Variants in DYNC2H1 observed in about 807,000 individuals in gnomAD.
The protein encoded by DYNC2H1 is dynein cytoplasmic 2 heavy chain 1.
A neutral mutation model predicts 570.0 loss-of-function variants in DYNC2H1; 410 were observed. The ratio of observed to expected loss-of-function variants is 0.72; its 90% CI spans 0.66 to 0.78. The LOEUF is 0.78. DYNC2H1 is among the 30% of genes least tolerant of loss of function. The pLI, the probability that DYNC2H1 is intolerant of heterozygous loss-of-function variation, is 0.00. For missense variants in DYNC2H1, 4,865 were observed against 5,046.4 expected, an observed-to-expected ratio of 0.96 and a Z score of 1.09; for synonymous variants, 1,688 against 1,677.6, an observed-to-expected ratio of 1.01 and a Z score of -0.15.
chr11:103,307,021 A>G (rs1390678158), intron 77 of DYNC2H1, among the ~76,000 whole-genome samples: 2 of 152,178 alleles, frequency 1.3e-5, no homozygotes, highest in Non-Finnish European at 2.9e-5. Context: ...GAGTTGGAGA[A>G]GATATTCCAC....
intron 52 of DYNC2H1, among the ~76,000 whole-genome samples, chr11:103,208,969 G>A (rs1036521767): frequency 2.0e-5 from 3 of 151,992 alleles, no homozygotes; most frequent in Admixed American, 1.3e-4. Flanking sequence ...ACAAATTAAC[G>A]TTGATTTAAA....
intron 75 of DYNC2H1, chr11:103,287,890 C>T (rs956942940): frequency 1.6e-5 from 5 of 307,138 alleles, no homozygotes; most frequent in Admixed American, 9.8e-5. Context: ...CACACAGAGC[C>T]GGCTGTGTGG....
intron 82 of DYNC2H1, among the ~76,000 whole-genome samples, chr11:103,357,236 A>G (rs75257350): frequency 2.0e-5 from 3 of 150,678 alleles, no homozygotes; most frequent in African/African-American, 7.5e-5. Context: ...ATTATTTTAG[A>G]AAAAAAAGTG....
chr11:103,251,425 A>T (rs1045204874), intron 65 of DYNC2H1, among the ~76,000 whole-genome samples: 1 of 152,120 alleles, frequency 6.6e-6, no homozygotes, highest in East Asian at 1.9e-4. Context: ...TTTATTGTGC[A>T]TATTTAAGAT....
intron 65 of DYNC2H1, among the ~76,000 whole-genome samples, chr11:103,247,676 T>A (rs1178351864): frequency 2.0e-5 from 3 of 152,054 alleles, no homozygotes; most frequent in Non-Finnish European, 4.4e-5. Flanking sequence ...AACCTTAAGC[T>A]AGTTCACTAG....
At chr11:103,427,384 A>G (rs1273968860) in intron 84 of DYNC2H1, among the ~76,000 whole-genome samples, 1 of 152,196 alleles carries the variant, frequency 6.6e-6, no homozygotes, top group Non-Finnish European at 1.5e-5. Context: ...CTTGCTGAAC[A>G]TACTTAATGA....
intron 63 of DYNC2H1, among the ~76,000 whole-genome samples, chr11:103,240,504 T>G (rs559440244): frequency 6.6e-6 from 1 of 152,170 alleles, no homozygotes; most frequent in Admixed American, 6.5e-5. Flanking sequence ...ACCAGAGATA[T>G]CACAGTCTTT....
Position 103,113,539 on chromosome 11 carries a change from T to G in DYNC2H1, c.198T>G (p.Ile66Met). The change falls in exon 2 of 89, where the codon ATT becomes ATG. Residue 66 changes from isoleucine (I) to methionine (M), a missense_variant and splice_region_variant. Transcript: ENST00000375735. ...SDAGISFSNT[I>M]EFGDTKDKVL... ...TTAAAAATCATTTATCACTTTAGATTGAGTTTGGTGACACAAAAGATAAAG... is the reference window on the plus strand; with the variant it reads ...TTAAAAATCATTTATCACTTTAGATGGAGTTTGGTGACACAAAAGATAAAG... 6.5e-7 allele frequency: 1 copy of G among 1,544,378 alleles called. No homozygotes were observed. The highest frequency in any genetic ancestry group is 8.7e-7 in the Non-Finnish European group (1 of 1,153,268).
intron 82 of DYNC2H1, among the ~76,000 whole-genome samples, chr11:103,338,996 G>A (rs1272543996): frequency 6.6e-6 from 1 of 152,166 alleles, no homozygotes; most frequent in African/African-American, 2.4e-5. Flanking sequence ...ATAATTGAGT[G>A]TTGTTACCAT....
At chr11:103,447,493 C>T (rs570587) in intron 85 of DYNC2H1, among the ~76,000 whole-genome samples, 54,097 of 151,836 alleles carry the variant, frequency 0.36, 10,222 homozygotes, top group African/African-American at 0.48. Flanking sequence ...TAACATAACC[C>T]AGTCAAAAAG....
Position 103,181,332 on chromosome 11 carries a change from G to T in DYNC2H1, c.6348-425G>T, listed in dbSNP as rs1861841397. ...GGGTCTTATTAAAATGAAGATTTTT[G>T]CTTTAGTATGTCTGGAGAGGGATTT... On this transcript the variant is annotated intron_variant, in intron 39 of 88. Coordinates refer to ENST00000375735, the MANE Select transcript of DYNC2H1 (RefSeq NM_001377.3). The surrounding 1 kb of genome is among the most constrained non-coding windows in gnomAD (Gnocchi z 5.0). Among the ~76,000 whole-genome samples, 1 of 151,472 alleles carries T rather than the reference G, an allele frequency of 6.6e-6. No homozygotes were observed. Among genetic ancestry groups the T allele is most frequent in the African/African-American group, 2.4e-5 (1 of 41,352 alleles).
intron 40 of DYNC2H1, among the ~76,000 whole-genome samples, chr11:103,182,764 T>A (rs1005026128): frequency 1.3e-5 from 2 of 151,662 alleles, no homozygotes; most frequent in African/African-American, 2.4e-5. Flanking sequence ...TAGCAGTGAG[T>A]TTTTTGAAAG....
rs192063285 is a variant in DYNC2H1, at chr11:103,159,883, A to G, written c.4378+856A>G. ...TTTAAGTAAAGTTTTGTTGAAACATAATCCTGCACGGTAGTTTATGTATTG... is the reference window on the plus strand; with the variant it reads ...TTTAAGTAAAGTTTTGTTGAAACATGATCCTGCACGGTAGTTTATGTATTG... On this transcript the variant is annotated intron_variant, in intron 28 of 88. Coordinates refer to ENST00000375735, the MANE Select transcript of DYNC2H1 (RefSeq NM_001377.3). 4.8e-4 allele frequency among the ~76,000 whole-genome samples: 73 copies of G among 152,284 alleles called. 1 individual carries two copies. Among genetic ancestry groups the G allele is most frequent in the Non-Finnish European group, 9.0e-4 (61 of 68,004 alleles).
At chr11:103,116,484 C>A in intron 4 of DYNC2H1, 86 bp from the exon 5 acceptor site, 1 of 967,772 alleles carries the variant, frequency 1.0e-6, no homozygotes, top group Non-Finnish European at 1.4e-6. Flanking sequence ...AGAGTTGTGG[C>A]AGTTGAAAAG....
intron 83 of DYNC2H1, among the ~76,000 whole-genome samples, chr11:103,371,858 G>GAT (rs1378038351): frequency 3.4e-5 from 5 of 146,382 alleles, no homozygotes; most frequent in Admixed American, 6.8e-5. Context: ...GGAGTCTTTA[G>GAT]AGTTTTCTGT....
In DYNC2H1 at chr11:103,245,457, G is replaced by C; in HGVS notation, c.10042+83G>C. The stretch of plus-strand genomic sequence containing the variant: ...TTAAACCAGGTGCAAGCTTTCAAGA[G>C]TCCTCTTCCAGTGGAGTCACACATG... On this transcript the variant is annotated intron_variant, in intron 65 of 88. Transcript: ENST00000375735. This position sits in a 1 kb window ranked among gnomAD's most constrained non-coding sequence, Gnocchi z 4.5. 3 of 1,395,066 alleles carry C rather than the reference G, an allele frequency of 2.2e-6. No individual in the cohort carries two copies. Among genetic ancestry groups the C allele is most frequent in the South Asian group, 2.9e-5 (2 of 69,460 alleles). 86.4% of individuals were successfully genotyped at this position (1,395,066 alleles called of 1,614,324 possible).
intron 1 of DYNC2H1, among the ~76,000 whole-genome samples, chr11:103,112,530 T>A (rs761972368): frequency 1.3e-5 from 2 of 152,196 alleles, no homozygotes; most frequent in Non-Finnish European, 2.9e-5. Flanking sequence ...TAATAATACA[T>A]GTAATTGAAT....
At chr11:103,347,645 G>C (rs929905706) in intron 82 of DYNC2H1, among the ~76,000 whole-genome samples, 1 of 152,096 alleles carries the variant, frequency 6.6e-6, no homozygotes, top group Non-Finnish European at 1.5e-5. Flanking sequence ...CTTTGAAAAT[G>C]TTCATAGTAA....
At chr11:103,345,222 T>G (rs1939682349) in intron 82 of DYNC2H1, among the ~76,000 whole-genome samples, 1 of 152,330 alleles carries the variant, frequency 6.6e-6, no homozygotes, top group Non-Finnish European at 1.5e-5. Context: ...TATTTCATTA[T>G]GTAAATATAA....
Sources: allele counts gnomAD v4.1 joint callset (sites outside exome capture counted in the v4.1 genomes callset), GRCh38; gene constraint gnomAD v4.1.1; non-coding constraint Gnocchi (gnomAD v3.1); transcripts MANE v1.5; gene names NCBI Gene and HGNC (gene_info 2026-07-23, HGNC 2026-07-21).